KPNB1: variants seen among roughly 807,000 people sequenced by gnomAD.
KPNB1 encodes importin subunit beta-1.
KPNB1 carries 7 observed loss-of-function variants against 113.0 expected under a neutral mutation model. The ratio of observed to expected loss-of-function variants is 0.06; its 90% confidence interval spans 0.04 to 0.12. KPNB1 has a LOEUF of 0.12. KPNB1 is among the 10% of genes least tolerant of loss of function. The pLI is 1.00. For missense variants in KPNB1, 400 were observed against 1,054.8 expected, an observed-to-expected ratio of 0.38 and a Z score of 8.60; for synonymous variants, 363 against 378.6, an observed-to-expected ratio of 0.96 and a Z score of 0.48.
intron 5 of KPNB1, among the ~76,000 whole-genome samples, chr17:47,660,781 T>G (rs2030068541): frequency 6.6e-6 from 1 of 152,244 alleles, no homozygotes; most frequent in Non-Finnish European, 1.5e-5. Context: ...AAACTGATTT[T>G]CCTACATGTA....
intron 12 of KPNB1, among the ~76,000 whole-genome samples, chr17:47,672,499 T>G (rs1323297662): frequency 6.6e-6 from 1 of 152,056 alleles, no homozygotes; most frequent in Non-Finnish European, 1.5e-5. Flanking sequence ...CAAGGAATTC[T>G]CGTGCCTCAG....
intron 3 of KPNB1, among the ~76,000 whole-genome samples, chr17:47,654,767 T>A (rs977742291): frequency 2.6e-5 from 4 of 152,202 alleles, no homozygotes; most frequent in Admixed American, 2.6e-4. Context: ...TGGGATTCAG[T>A]GCACTCCACA....
intron 21 of KPNB1, among the ~76,000 whole-genome samples, chr17:47,681,476 C>T (rs2030775854): frequency 6.6e-6 from 1 of 151,552 alleles, no homozygotes; most frequent in Admixed American, 6.6e-5. Context: ...ATTTCACCAT[C>T]TTGGCCAGGC....
At chr17:47,651,762 C>T (rs888960218) in intron 2 of KPNB1, among the ~76,000 whole-genome samples, 3 of 152,154 alleles carry the variant, frequency 2.0e-5, no homozygotes, top group African/African-American at 7.2e-5. Context: ...CTGCTTTTGA[C>T]TTTTCCTGCT....
intron 15 of KPNB1, among the ~76,000 whole-genome samples, chr17:47,675,323 T>C (rs1394683852): frequency 6.7e-6 from 1 of 150,094 alleles, no homozygotes; most frequent in Admixed American, 6.7e-5. Context: ...TCCATTTAAA[T>C]GGGGAGCCAG....
chr17:47,650,200 CG>C lies in KPNB1; in HGVS notation c.-42del. ...CAGTTCGAGCCGCCGCCCGAAAGGC[CG>C]GGCCGTCGTCTTAGGAGGAGTCGCC... On this transcript the variant is annotated 5_prime_UTR_variant, in exon 1 of 22. Transcript: ENST00000290158. 6.6e-7 allele frequency: 1 copy of C among 1,513,522 alleles called. No homozygotes were observed. The highest frequency in any genetic ancestry group is 1.5e-5 in the African/African-American group (1 of 67,150). The allele number at this position is 1,513,522 out of a possible 1,614,324, so 93.8% of individuals were successfully genotyped here. A position where few individuals can be genotyped will look rare whatever the true frequency, so the allele number is the denominator to read the frequency against.
intron 2 of KPNB1, among the ~76,000 whole-genome samples, chr17:47,650,756 C>A (rs920771244): frequency 1.3e-5 from 2 of 151,938 alleles, no homozygotes; most frequent in Admixed American, 1.3e-4. Context: ...AGTTAGGTTG[C>A]GCGGCGCTGC....
intron 12 of KPNB1, chr17:47,671,973 G>A (rs1387294155): frequency 6.6e-6 from 1 of 151,816 alleles, no homozygotes; most frequent in African/African-American, 2.4e-5. Context: ...CTAAAGTCAT[G>A]AGCAAAGTAA....
chr17:47,666,418 G>GTGTGTGTGTA (rs1331702019), intron 9 of KPNB1, among the ~76,000 whole-genome samples: 1 of 141,838 alleles, frequency 7.1e-6, no homozygotes, highest in Non-Finnish European at 1.5e-5. Context: ...GTGTGTGTGT[G>GTGTGTGTGTA]TGTATTTTAT....
chr17:47,673,851 CCT>C, intron 14 of KPNB1: 1 of 344,758 alleles, frequency 2.9e-6, no homozygotes, highest in East Asian at 5.1e-5. Context: ...ACTCCTCAGA[CCT>C]CTCTTCCTCA....
intron 9 of KPNB1, among the ~76,000 whole-genome samples, chr17:47,665,610 C>T (rs1011366719): frequency 2.6e-5 from 4 of 152,150 alleles, no homozygotes; most frequent in Admixed American, 2.0e-4. Context: ...TGAAGGACCC[C>T]AACCCAAGAA....
At chr17:47,651,119 C>A in intron 2 of KPNB1, 1 of 634,260 alleles carries the variant, frequency 1.6e-6, no homozygotes, top group Non-Finnish European at 2.0e-6. Context: ...AGAAAACAGA[C>A]TGAGGCTCAT....
At chr17:47,652,467 TA>T (rs2143082909) in intron 2 of KPNB1, among the ~76,000 whole-genome samples, 1 of 152,316 alleles carries the variant, frequency 6.6e-6, no homozygotes, top group South Asian at 2.1e-4. Context: ...CATTAAGTGC[TA>T]GGCTCCACGA....
intron 21 of KPNB1, 108 bp downstream of exon 21, chr17:47,680,777 G>A: frequency 8.5e-7 from 1 of 1,181,238 alleles, no homozygotes; most frequent in Non-Finnish European, 1.2e-6. Context: ...TTTTTTGTTT[G>A]TACTTTTTCC....
rs2030543643 is a variant in KPNB1, at chr17:47,674,671, T to C, written c.1801T>C (p.Leu601=). ...VLRKVQHQDA[L]QISDVVMASL... is the part of the protein sequence containing the mutation. ...TCGGAAAGTGCAACATCAAGATGCT[T>C]TGCAGATCTCTGATGTGGTTATGGC... Residue 601 remains leucine, a synonymous_variant, in exon 15 of 22, where the codon TTG becomes CTG. Transcript: ENST00000290158. 1 of 1,613,972 alleles carries C rather than the reference T, an allele frequency of 6.2e-7. No individual in the cohort carries two copies. Among genetic ancestry groups the C allele is most frequent in the African/African-American group, 1.3e-5 (1 of 74,934 alleles).
chr17:47,653,883 C>T (rs1301760202), intron 3 of KPNB1, among the ~76,000 whole-genome samples: 1 of 152,134 alleles, frequency 6.6e-6, no homozygotes, highest in Non-Finnish European at 1.5e-5. Flanking sequence ...GCATGTAGAG[C>T]TGTTTCTATT....
At chr17:47,682,279 C>CAA in intron 21 of KPNB1, 125 bp from the exon 22 acceptor site, 1 of 734,078 alleles carries the variant, frequency 1.4e-6, no homozygotes, top group Non-Finnish European at 2.5e-6. Context: ...GAAAGAGTGT[C>CAA]AATCCTTGAA....
intron 18 of KPNB1, 39 bp from the exon 19 acceptor site, chr17:47,678,269 G>A (rs1567895366): frequency 6.2e-7 from 1 of 1,608,528 alleles, no homozygotes; most frequent in Non-Finnish European, 8.5e-7. Context: ...AGCTAAAAGT[G>A]ATCAGTGTGA....
intron 3 of KPNB1, among the ~76,000 whole-genome samples, chr17:47,654,220 G>A (rs1468703434): frequency 6.6e-6 from 1 of 152,098 alleles, no homozygotes; most frequent in East Asian, 1.9e-4. Flanking sequence ...TTCGAGACCA[G>A]CCTGGCCAAC....
Sources: gnomAD v4.1 joint callset for allele counts (sites outside exome capture counted in the v4.1 genomes callset) on GRCh38, gnomAD v4.1.1 for gene constraint, MANE v1.5 for transcripts, NCBI Gene and HGNC (gene_info 2026-07-23, HGNC 2026-07-21) for gene names.